ANO4: variants seen among roughly 807,000 people sequenced by gnomAD.
The protein encoded by ANO4 is anoctamin-4.
A neutral mutation model predicts 141.9 loss-of-function variants in ANO4; 69 were observed. The ratio of observed to expected loss-of-function variants is 0.49; its 90% CI spans 0.40 to 0.59. ANO4 has a LOEUF of 0.59. Ranked by LOEUF, ANO4 falls within the 20% of genes least tolerant of loss-of-function variation. The pLI is 0.00. For missense variants in ANO4, 894 were observed against 1,162.2 expected, an observed-to-expected ratio of 0.77 and a Z score of 3.36; for synonymous variants, 350 against 394.3, an observed-to-expected ratio of 0.89 and a Z score of 1.33.
chr12:101,111,468 C>A lies in ANO4; in HGVS notation c.2303-95C>A, dbSNP rs942783236. On this transcript the variant is annotated intron_variant, in intron 23 of 27. Coordinates refer to ENST00000392977, the MANE Select transcript of ANO4 (RefSeq NM_001286615.2). ...AGTATTTGGAAAGATGAAGAAAGGA[C>A]CCATGAAAAGGACTTTTAAAAATTA... 7.4e-5 allele frequency: 86 copies of A among 1,166,976 alleles called. 1 individual carries two copies. The highest frequency in any genetic ancestry group is 9.9e-5 in the Non-Finnish European group (84 of 849,152). 72.3% of individuals were successfully genotyped at this position (1,166,976 alleles called of 1,614,324 possible). A position where few individuals can be genotyped will look rare whatever the true frequency, so the allele number is the denominator to read the frequency against.
intron 1 of ANO4, among the ~76,000 whole-genome samples, chr12:100,813,361 C>G (rs1005714615): frequency 6.6e-6 from 1 of 152,288 alleles, no homozygotes; most frequent in African/African-American, 2.4e-5. Flanking sequence ...AAACACTTAG[C>G]AAAGTACAGA....
chr12:101,074,138 A>G (rs1023305212), intron 14 of ANO4, among the ~76,000 whole-genome samples: 8 of 152,180 alleles, frequency 5.3e-5, no homozygotes, highest in Non-Finnish European at 2.9e-5. Context: ...TAAAATGCCT[A>G]TGTTCATTAA....
intron 9 of ANO4, among the ~76,000 whole-genome samples, chr12:101,033,200 A>G (rs2047048640): frequency 6.6e-6 from 1 of 152,098 alleles, no homozygotes; most frequent in Non-Finnish European, 1.5e-5. Context: ...CATCATTCTC[A>G]GTAAACTATC....
intron 14 of ANO4, among the ~76,000 whole-genome samples, chr12:101,056,915 T>TTTTTTTTTTTTTTTTTTTTTGAG (rs1555290136): frequency 1.3e-5 from 2 of 148,736 alleles, no homozygotes; most frequent in African/African-American, 5.0e-5. Context: ...GCAGGTTTCT[T>TTTTTTTTTTTTTTTTTTTTTGAG]ACATAGGTAT....
rs577549830 is a variant in ANO4, at chr12:101,002,507, T to C, written c.734+14837T>C. ...TTCTTCCCTTCTCCCCCCAGCCTTT[T>C]GGGCTGGTGCTCCTGCAGCATGGGA... On this transcript the variant is annotated intron_variant, in intron 8 of 27. Coordinates refer to ENST00000392977, the MANE Select transcript of ANO4 (RefSeq NM_001286615.2). Among the ~76,000 whole-genome samples the C allele has an allele frequency of 5.3e-5, 8 of 152,360 alleles. No individual in the cohort carries two copies. The South Asian group carries it at 6.2e-4, about 12-fold the overall frequency.
intron 26 of ANO4, among the ~76,000 whole-genome samples, chr12:101,120,886 A>C (rs1360078758): frequency 2.6e-5 from 4 of 152,152 alleles, no homozygotes; most frequent in Non-Finnish European, 4.4e-5. Context: ...CTGGGGCCAT[A>C]GTTCTTAAAC....
intron 14 of ANO4, among the ~76,000 whole-genome samples, chr12:101,059,774 CTTCT>C (rs1273000247): frequency 1.3e-5 from 2 of 152,062 alleles, no homozygotes; most frequent in South Asian, 2.1e-4. Context: ...TCTCTCTTGT[CTTCT>C]TTATTAGTCT....
At chr12:101,115,269 T>C (rs931939978) in intron 24 of ANO4, among the ~76,000 whole-genome samples, 1 of 152,200 alleles carries the variant, frequency 6.6e-6, no homozygotes, top group Admixed American at 6.5e-5. Context: ...AAGGACCCTA[T>C]GAGGTGGGAA....
chr12:100,959,149 C>T (rs1341997925), intron 5 of ANO4, among the ~76,000 whole-genome samples: 4 of 151,974 alleles, frequency 2.6e-5, no homozygotes, highest in Non-Finnish European at 5.9e-5. Flanking sequence ...GATAACCTTG[C>T]CTATACTCTG....
intron 8 of ANO4, among the ~76,000 whole-genome samples, chr12:100,988,541 A>G (rs1055607149): frequency 3.5e-5 from 5 of 141,832 alleles, no homozygotes; most frequent in African/African-American, 1.1e-4. Context: ...AGGGTGATGG[A>G]TTTAAAAAAA....
chr12:100,950,116 TCCTC>T (rs1166814721), intron 5 of ANO4, among the ~76,000 whole-genome samples: 5 of 151,942 alleles, frequency 3.3e-5, no homozygotes, highest in African/African-American at 1.2e-4. Flanking sequence ...AACGACAACA[TCCTC>T]CCTTCCTTCA....
chr12:100,934,999 G>T (rs1298864504), intron 3 of ANO4, among the ~76,000 whole-genome samples: 1 of 152,156 alleles, frequency 6.6e-6, no homozygotes. Context: ...GGGCTGAGAT[G>T]ATGGGGTTTT....
intron 8 of ANO4, among the ~76,000 whole-genome samples, chr12:101,009,004 T>C (rs577281082): frequency 6.6e-6 from 1 of 152,254 alleles, no homozygotes; most frequent in South Asian, 2.1e-4. Flanking sequence ...CTCTAGTGAC[T>C]TCCTAATAAG....
intron 3 of ANO4, among the ~76,000 whole-genome samples, chr12:100,753,297 A>G (rs1007002318): frequency 2.0e-5 from 3 of 152,234 alleles, no homozygotes; most frequent in African/African-American, 7.2e-5. Flanking sequence ...GGAACTGTGA[A>G]TAATTGGGGC....
intron 3 of ANO4, 61 bp from the exon 4 acceptor site, chr12:100,939,254 A>G: frequency 6.6e-7 from 1 of 1,519,066 alleles, no homozygotes. Context: ...TTTCTCTTTT[A>G]GCATTGCTTT....
intron 22 of ANO4, among the ~76,000 whole-genome samples, chr12:101,101,963 A>C (rs74200874): frequency 0.14 from 20,744 of 152,034 alleles, 1,480 homozygotes; most frequent in South Asian, 0.19. Flanking sequence ...AGGCGTGTGT[A>C]ATCCCAGCTA....
intron 14 of ANO4, among the ~76,000 whole-genome samples, chr12:101,060,263 G>C (rs562399500): frequency 6.6e-6 from 1 of 152,110 alleles, no homozygotes; most frequent in Non-Finnish European, 1.5e-5. Flanking sequence ...TATGATTTCC[G>C]TTCTTTTGCA....
intron 1 of ANO4, among the ~76,000 whole-genome samples, chr12:100,809,504 C>T (rs778004348): frequency 4.6e-5 from 7 of 152,104 alleles, no homozygotes; most frequent in African/African-American, 1.7e-4. Context: ...TACTGAGCAA[C>T]CAGCATCTGA....
intron 1 of ANO4, among the ~76,000 whole-genome samples, chr12:100,872,846 A>G (rs1053367540): frequency 2.6e-5 from 4 of 152,208 alleles, no homozygotes; most frequent in Non-Finnish European, 5.9e-5. Context: ...GTTTGGATGT[A>G]TGTCCCTGTC....
Sources: allele counts gnomAD v4.1 joint callset (sites outside exome capture counted in the v4.1 genomes callset), GRCh38; gene constraint gnomAD v4.1.1; transcripts MANE v1.5; gene names NCBI Gene and HGNC (gene_info 2026-07-23, HGNC 2026-07-21).